The following GABRP variants were observed in gnomAD, a reference collection of about 807,000 sequenced individuals.
GABRP encodes the protein gamma-aminobutyric acid receptor subunit pi.
A neutral mutation model predicts 47.8 loss-of-function variants in GABRP; 52 were observed. The ratio of observed to expected loss-of-function variants is 1.09; its 90% CI spans 0.87 to 1.37. The LOEUF is 1.37. Among genes scored for constraint, GABRP ranks in the 40% most tolerant of loss-of-function variants. The pLI, the probability that GABRP is intolerant of heterozygous loss-of-function variation, is 0.00. For synonymous variants in GABRP, 221 were observed against 205.8 expected (o/e 1.07, Z -0.63); for missense variants, 525 against 542.8 (o/e 0.97, Z 0.33).
intron 2 of GABRP, 56 bp downstream of exon 2, chr5:170,788,724 T>C: frequency 6.4e-6 from 10 of 1,553,576 alleles, no homozygotes; most frequent in Non-Finnish European, 8.0e-6. Flanking sequence ...CATTCGGGCA[T>C]GTGGTGGGAG....
chr5:170,806,406 C>T (rs1033466754), intron 7 of GABRP, among the ~76,000 whole-genome samples: 4 of 152,032 alleles, frequency 2.6e-5, no homozygotes, highest in African/African-American at 7.3e-5. Context: ...ATATTAAGAA[C>T]GCTTATTCTC....
intron 6 of GABRP, among the ~76,000 whole-genome samples, chr5:170,800,849 G>A (rs1435697143): frequency 1.3e-5 from 2 of 152,186 alleles, no homozygotes; most frequent in African/African-American, 4.8e-5. Context: ...GGGAGGCTGA[G>A]GCAGGAGAAT....
At chr5:170,785,849 G>A (rs1457654319) in intron 1 of GABRP, among the ~76,000 whole-genome samples, 3 of 152,198 alleles carry the variant, frequency 2.0e-5, no homozygotes, top group Admixed American at 1.3e-4. Flanking sequence ...ATAAGCATGT[G>A]GGAGAGAGGC....
Position 170,812,247 on chromosome 5 carries a change from A to C in GABRP, c.1312A>C (p.Met438Leu), listed in dbSNP as rs750501713. The C allele has an allele frequency of 6.2e-7, 1 of 1,609,456 alleles. No homozygotes were observed. The highest frequency in any genetic ancestry group is 8.5e-7 in the Non-Finnish European group (1 of 1,176,756). The stretch of plus-strand genomic sequence containing the variant: ...CAATGTATTTTACTGGGCATACTAC[A>C]TGTATTTTTGAGTCAATGTTAAATT... Reference protein sequence around the residue: ...LANVFYWAYYMYF With the variant: ...LANVFYWAYYLYF The change falls in exon 10 of 10, where the codon ATG (methionine) becomes CTG (leucine). Residue 438 changes from methionine to leucine, a missense_variant. Transcript: ENST00000265294.
rs146262486 is a variant in GABRP, at chr5:170,806,565, C to T, written c.679+712C>T. On this transcript the variant is annotated intron_variant, in intron 7 of 9. Transcript: ENST00000265294. ...TCAAGCGACTCTTGTGCCTCAGCCT[C>T]CTGAGTAGCCGGGATTACAGGCATC... Among the ~76,000 whole-genome samples the T allele has an allele frequency of 6.5e-3, 983 of 152,280 alleles. 4 individuals carry two copies. The highest frequency in any genetic ancestry group is 0.01 in the Non-Finnish European group (708 of 68,030).
intron 5 of GABRP, 23 bp downstream of exon 5, chr5:170,795,448 A>G: frequency 1.3e-6 from 2 of 1,591,990 alleles, no homozygotes; most frequent in Non-Finnish European, 1.7e-6. Flanking sequence ...CTGTGACCTC[A>G]GGGGTGGAGG....
rs1323751435 is a variant in GABRP at position 170,808,724 on chromosome 5, C to T, written c.804C>T (p.Leu268=). The T allele has an allele frequency of 5.6e-6, 9 of 1,613,992 alleles. No individual in the cohort carries two copies. Among genetic ancestry groups the T allele is most frequent in the Admixed American group, 3.3e-5 (2 of 60,004 alleles). The change falls in exon 8 of 10, where the codon CTC becomes CTT. Residue 268 remains leucine, a synonymous_variant. Transcript: ENST00000265294. ...VLSWVSFWIS[L]DSVPARTCIG... ...CCTGGGTTTCATTTTGGATCTCTCT[C>T]GATTCAGTCCCTGCAAGAACCTGCA...
intron 7 of GABRP, among the ~76,000 whole-genome samples, chr5:170,806,389 T>C (rs900781515): frequency 6.6e-6 from 1 of 152,238 alleles, no homozygotes; most frequent in Non-Finnish European, 1.5e-5. Context: ...CTCACTTCCT[T>C]ATGATAATAT....
intron 5 of GABRP, among the ~76,000 whole-genome samples, 167 bp from the exon 6 acceptor site, chr5:170,797,299 A>G (rs939439343): frequency 6.6e-6 from 1 of 152,216 alleles, no homozygotes; most frequent in African/African-American, 2.4e-5. Context: ...CCTCATGCAC[A>G]CATTCTTTAG....
intron 3 of GABRP, among the ~76,000 whole-genome samples, chr5:170,789,881 G>GACT (rs1765222385): frequency 1.3e-5 from 2 of 152,034 alleles, no homozygotes; most frequent in Non-Finnish European, 2.9e-5. Context: ...CTTTAAACTT[G>GACT]ACTCCCTAGA....
At chr5:170,792,330 T>C (rs1211161883) in intron 3 of GABRP, among the ~76,000 whole-genome samples, 1 of 151,836 alleles carries the variant, frequency 6.6e-6, no homozygotes, top group Non-Finnish European at 1.5e-5. Context: ...TAATCCCAGC[T>C]ATTCTGAAGG....
At chr5:170,794,098 T>G (rs1278146843) in intron 3 of GABRP, 133 bp from the exon 4 acceptor site, 5 of 479,418 alleles carry the variant, frequency 1.0e-5, no homozygotes, top group Non-Finnish European at 1.7e-5. Flanking sequence ...CTTTTTATAT[T>G]TATAGAATAT....
intron 7 of GABRP, 139 bp downstream of exon 7, chr5:170,805,992 A>G: frequency 1.1e-6 from 1 of 880,462 alleles, no homozygotes; most frequent in East Asian, 2.7e-5. Context: ...GTGCTGAGCA[A>G]TTCCACCTCC....
intron 3 of GABRP, among the ~76,000 whole-genome samples, chr5:170,792,229 G>A (rs2127253244): frequency 6.6e-6 from 1 of 152,272 alleles, no homozygotes; most frequent in East Asian, 1.9e-4. Context: ...GATCACCTGA[G>A]GTCAGGAGTT....
At chr5:170,786,185 G>A (rs1765126970) in intron 1 of GABRP, among the ~76,000 whole-genome samples, 1 of 152,178 alleles carries the variant, frequency 6.6e-6, no homozygotes, top group South Asian at 2.1e-4. Flanking sequence ...AGGCAATGGA[G>A]GGCATGGGAG....
chr5:170,785,705 C>A (rs759391797), intron 1 of GABRP, among the ~76,000 whole-genome samples: 1 of 152,136 alleles, frequency 6.6e-6, no homozygotes, highest in Non-Finnish European at 1.5e-5. Flanking sequence ...TGGATGGTTC[C>A]CCAAATCACT....
chr5:170,797,455 TTC>T lies in GABRP; in HGVS notation c.459-10_459-9del, dbSNP rs1378935960. On this transcript the variant is annotated splice_polypyrimidine_tract_variant and intron_variant, in intron 5 of 9. Transcript: ENST00000265294. Reference sequence around the variant, plus strand: ...CACAATACTGTTTTTGAACCTGTTTTTCCCTCTTAGAATCACGACAACTGTTG... The same window carrying T: ...CACAATACTGTTTTTGAACCTGTTTTCCTCTTAGAATCACGACAACTGTTG... 1 of 1,579,542 alleles carries T rather than the reference TTC, an allele frequency of 6.3e-7. No individual in the cohort carries two copies. Among genetic ancestry groups the T allele is most frequent in the East Asian group, 2.2e-5 (1 of 44,716 alleles).
At chr5:170,793,058 G>A (rs886908213) in intron 3 of GABRP, among the ~76,000 whole-genome samples, 1 of 152,156 alleles carries the variant, frequency 6.6e-6, no homozygotes, top group African/African-American at 2.4e-5. Context: ...GACGCTGGGA[G>A]CTTTGTACAG....
At chr5:170,790,993 C>T (rs950627904) in intron 3 of GABRP, among the ~76,000 whole-genome samples, 1 of 152,208 alleles carries the variant, frequency 6.6e-6, no homozygotes, top group Non-Finnish European at 1.5e-5. Context: ...GCTCCAATAT[C>T]CCCTGGTTTT....
Sources: gnomAD v4.1 joint callset for allele counts (sites outside exome capture counted in the v4.1 genomes callset) on GRCh38, gnomAD v4.1.1 for gene constraint, MANE v1.5 for transcripts, NCBI Gene and HGNC (gene_info 2026-07-23, HGNC 2026-07-21) for gene names.